The following AIG1 variants were observed in gnomAD, a reference collection of about 807,000 sequenced individuals.
The protein encoded by AIG1 is androgen induced 1.
Under a neutral mutation model 31.4 loss-of-function variants are expected in AIG1, and 23 were observed. The observed-to-expected ratio is 0.73, with a 90% CI of 0.53 to 1.04. AIG1 has a LOEUF of 1.04. Ranked by LOEUF, AIG1 falls within the 50% of genes least tolerant of loss-of-function variation. The probability of loss-of-function intolerance (pLI) is 0.00; values close to 1 mark genes in which losing one functional copy is unlikely to be tolerated. For missense variants in AIG1, 274 were observed against 295.0 expected (o/e 0.93, Z 0.52); for synonymous variants, 100 against 110.5 (o/e 0.90, Z 0.60).
At chr6:143,335,146 G>T in intron 5 of AIG1, 1 of 1,386,812 alleles carries the variant, frequency 7.2e-7, no homozygotes, top group South Asian at 2.0e-5. Context: ...TTTACAAGAG[G>T]GGTCACAAAC....
chr6:143,137,869 A>G (rs911721852), intron 2 of AIG1, among the ~76,000 whole-genome samples: 7 of 152,198 alleles, frequency 4.6e-5, no homozygotes, highest in African/African-American at 1.7e-4. Context: ...TTCATTTGCC[A>G]GCTGATTTCG....
Position 143,340,965 on chromosome 6 carries a change from A to G in AIG1, c.*1289A>G, listed in dbSNP as rs1486200806. On this transcript the variant is annotated 3_prime_UTR_variant, in exon 6 of 6. Coordinates refer to ENST00000357847, the MANE Select transcript of AIG1 (RefSeq NM_016108.4). The stretch of plus-strand genomic sequence containing the variant: ...ATTTTAAAATTAAAAAATGAAAAGC[A>G]TTAAACTTTTTAATTTGAAAAAAAT... Among the ~76,000 whole-genome samples the G allele has an allele frequency of 1.3e-5, 2 of 152,316 alleles. No homozygotes were observed. The highest frequency in any genetic ancestry group is 3.4e-3 in the Middle Eastern group (1 of 294).
At chr6:143,070,586 G>A (rs1777154384) in intron 1 of AIG1, among the ~76,000 whole-genome samples, 1 of 152,176 alleles carries the variant, frequency 6.6e-6, no homozygotes, top group Non-Finnish European at 1.5e-5. Flanking sequence ...CATGGTGCTG[G>A]CATCTGGTGA....
At chr6:143,308,087 C>T (rs1379692067) in intron 4 of AIG1, among the ~76,000 whole-genome samples, 1 of 152,178 alleles carries the variant, frequency 6.6e-6, no homozygotes, top group Non-Finnish European at 1.5e-5. Flanking sequence ...GGGAGTGACC[C>T]GATTTTCCAG....
At chr6:143,342,133 A>G (rs985490177), downstream of AIG1, 10 of 493,024 alleles carry the variant, frequency 2.0e-5, no homozygotes, top group East Asian at 3.7e-4. Flanking sequence ...CATGTTGGTC[A>G]GGCTGGTCTC....
At chr6:143,274,272 G>T (rs1350728382) in intron 3 of AIG1, among the ~76,000 whole-genome samples, 1 of 152,258 alleles carries the variant, frequency 6.6e-6, no homozygotes, top group South Asian at 2.1e-4. Flanking sequence ...GAGTCAAACT[G>T]CCCAAGTCTG....
At position 143,107,074 on chromosome 6, in the gene AIG1, TTCTTCGTC is replaced by T. The variant is rs527825669; in HGVS notation, c.142-29758_142-29751del. 2.3e-4 allele frequency among the ~76,000 whole-genome samples: 35 copies of T among 152,310 alleles called. No homozygotes were observed. The East Asian group carries it at 6.4e-3, about 28-fold the overall frequency. On this transcript the variant is annotated intron_variant, in intron 1 of 5. Coordinates refer to ENST00000357847, the MANE Select transcript of AIG1 (RefSeq NM_016108.4). ...ATTCAAACCATAGCACCTTGATCAG[TTCTTCGTC>T]TCCCTAAGTCCCATCAATTACCCTC...
rs1219948689 is a variant in AIG1 at position 143,298,124 on chromosome 6, C to G, written c.515+13899C>G. Reference sequence around the variant, plus strand: ...GGAGTCCTAGAGCCTGGGTTATGTACGTTTTCTACCTCTGCTGGAAGACTG... The same window carrying G: ...GGAGTCCTAGAGCCTGGGTTATGTAGGTTTTCTACCTCTGCTGGAAGACTG... On this transcript the variant is annotated intron_variant, in intron 4 of 5. Coordinates refer to ENST00000357847, the MANE Select transcript of AIG1 (RefSeq NM_016108.4). The surrounding 1 kb of genome is among the most constrained non-coding windows in gnomAD (Gnocchi z 5.1). Among the ~76,000 whole-genome samples the G allele has an allele frequency of 6.6e-6, 1 of 151,498 alleles. No homozygotes were observed.
Position 143,292,007 on chromosome 6 carries a change from A to G in AIG1, c.515+7782A>G, listed in dbSNP as rs192429466. Among the ~76,000 whole-genome samples the G allele has an allele frequency of 1.5e-3, 230 of 152,322 alleles. No homozygotes were observed. The highest frequency in any genetic ancestry group is 2.8e-3 in the Non-Finnish European group (189 of 68,014). The stretch of plus-strand genomic sequence containing the variant: ...AGAGAAGGCTATAGAAGAAATCCTG[A>G]TAAGAGATGAAGTGGCCTGGACCCT... On this transcript the variant is annotated intron_variant, in intron 4 of 5. Transcript: ENST00000357847. This position sits in a 1 kb window ranked among gnomAD's most constrained non-coding sequence, Gnocchi z 4.9.
chr6:143,196,950 T>C (rs1254952604), intron 3 of AIG1, among the ~76,000 whole-genome samples: 3 of 152,244 alleles, frequency 2.0e-5, no homozygotes, highest in Non-Finnish European at 4.4e-5. Flanking sequence ...CTCTTATTTC[T>C]GGAAATATCA....
At chr6:143,106,107 T>A (rs1780777818) in intron 1 of AIG1, among the ~76,000 whole-genome samples, 1 of 152,132 alleles carries the variant, frequency 6.6e-6, no homozygotes, top group Non-Finnish European at 1.5e-5. Context: ...GAAGTTTAGG[T>A]GAGGTCATCC....
intron 3 of AIG1, among the ~76,000 whole-genome samples, chr6:143,245,528 A>T (rs1161500707): frequency 6.6e-6 from 1 of 152,238 alleles, no homozygotes; most frequent in East Asian, 1.9e-4. Context: ...TCAGTACAAA[A>T]ATCCAATCAA....
intron 4 of AIG1, among the ~76,000 whole-genome samples, chr6:143,304,156 T>A (rs1408748036): frequency 6.6e-6 from 1 of 152,096 alleles, no homozygotes; most frequent in Non-Finnish European, 1.5e-5. Flanking sequence ...AAATTTACAA[T>A]CATGTCATCT....
At chr6:143,198,035 A>G (rs1790396283) in intron 3 of AIG1, among the ~76,000 whole-genome samples, 1 of 152,190 alleles carries the variant, frequency 6.6e-6, no homozygotes, top group Non-Finnish European at 1.5e-5. Flanking sequence ...GGAGACTTGA[A>G]TGGCTACAGC....
In AIG1 at chr6:143,298,614, C is replaced by G. The variant is rs1798605705; in HGVS notation, c.515+14389C>G. 1.3e-5 allele frequency among the ~76,000 whole-genome samples: 2 copies of G among 152,128 alleles called. No homozygotes were observed. Among genetic ancestry groups the G allele is most frequent in the Non-Finnish European group, 2.9e-5 (2 of 68,038 alleles). On this transcript the variant is annotated intron_variant, in intron 4 of 5. Coordinates refer to ENST00000357847, the MANE Select transcript of AIG1 (RefSeq NM_016108.4). This position sits in a 1 kb window ranked among gnomAD's most constrained non-coding sequence, Gnocchi z 5.1. Reference sequence around the variant, plus strand: ...TCACCTAGGCCCAGGAGTTCAAAACCCAGCCTGGACAACATAGCAAGCTAA... The same window carrying G: ...TCACCTAGGCCCAGGAGTTCAAAACGCAGCCTGGACAACATAGCAAGCTAA...
intron 4 of AIG1, among the ~76,000 whole-genome samples, chr6:143,286,940 T>C (rs564875115): frequency 6.6e-6 from 1 of 151,980 alleles, no homozygotes; most frequent in African/African-American, 2.4e-5. Context: ...TGAGCTCCCA[T>C]TCTCGGTGGT....
chr6:143,106,743 A>G (rs1780838376), intron 1 of AIG1, among the ~76,000 whole-genome samples: 1 of 152,188 alleles, frequency 6.6e-6, no homozygotes. Context: ...TTGGGCTGCT[A>G]TAAGGAAATA....
intron 1 of AIG1, among the ~76,000 whole-genome samples, chr6:143,082,904 G>C (rs1301776978): frequency 1.3e-5 from 2 of 152,236 alleles, no homozygotes; most frequent in African/African-American, 2.4e-5. Context: ...AGCCACTTCT[G>C]CTTCAGGTGT....
chr6:143,311,917 T>C (rs9496581), intron 4 of AIG1, among the ~76,000 whole-genome samples: 9,154 of 151,848 alleles, frequency 0.06, 729 homozygotes, highest in African/African-American at 0.18. Context: ...TATGCCAACA[T>C]TGAAGAATCT....
Sources: gnomAD v4.1 joint callset for allele counts (sites outside exome capture counted in the v4.1 genomes callset) on GRCh38, gnomAD v4.1.1 for gene constraint, Gnocchi (gnomAD v3.1) non-coding constraint, MANE v1.5 for transcripts, NCBI Gene and HGNC (gene_info 2026-07-23, HGNC 2026-07-21) for gene names.